Variants in SPSB4 observed in about 807,000 individuals in gnomAD.
SPSB4 encodes the protein SPRY domain-containing SOCS box protein 4.
Under a neutral mutation model 20.9 loss-of-function variants are expected in SPSB4, and 21 were observed. The ratio of observed to expected loss-of-function variants is 1.01; its 90% confidence interval spans 0.71 to 1.45. SPSB4 has a LOEUF of 1.45. Among genes scored for constraint, SPSB4 ranks in the 40% most tolerant of loss-of-function variants. SPSB4 has a pLI of 0.00. For missense variants in SPSB4, 399 were observed against 399.2 expected, an observed-to-expected ratio of 1.00 and a Z score of 0.00; for synonymous variants, 207 against 183.8, an observed-to-expected ratio of 1.13 and a Z score of -1.02.
chr3:141,083,865 T>C (rs1484686636), intron 2 of SPSB4, among the ~76,000 whole-genome samples: 1 of 152,068 alleles, frequency 6.6e-6, no homozygotes, highest in Non-Finnish European at 1.5e-5. Flanking sequence ...GACTCCTCGT[T>C]TGACTCTGGC....
chr3:141,060,711 C>T (rs888740200), intron 1 of SPSB4, among the ~76,000 whole-genome samples: 3 of 152,182 alleles, frequency 2.0e-5, no homozygotes, highest in Admixed American at 6.5e-5. Context: ...TGCCATTTGC[C>T]GAGGCTAAAC....
chr3:141,093,338 T>C (rs1206364625), intron 2 of SPSB4, among the ~76,000 whole-genome samples: 2 of 151,858 alleles, frequency 1.3e-5, no homozygotes, highest in Non-Finnish European at 2.9e-5. Flanking sequence ...ATATTGTCAA[T>C]CTTCCCAGGA....
chr3:141,068,953 T>A (rs1937941728), intron 2 of SPSB4, among the ~76,000 whole-genome samples: 1 of 152,168 alleles, frequency 6.6e-6, no homozygotes, highest in African/African-American at 2.4e-5. Flanking sequence ...GTCCTTCAGG[T>A]GGTTGAACAA....
At chr3:141,053,508 A>T (rs1473597668) in intron 1 of SPSB4, among the ~76,000 whole-genome samples, 2 of 152,188 alleles carry the variant, frequency 1.3e-5, no homozygotes, top group Non-Finnish European at 2.9e-5. Context: ...AAAAGAAATC[A>T]CCAGAAACAG....
chr3:141,082,836 C>G (rs1938264806), intron 2 of SPSB4, among the ~76,000 whole-genome samples: 1 of 152,222 alleles, frequency 6.6e-6, no homozygotes, highest in South Asian at 2.1e-4. Context: ...GTCCTGAGGG[C>G]TCTTTTCTTC....
intron 2 of SPSB4, among the ~76,000 whole-genome samples, chr3:141,118,267 T>C (rs942359787): frequency 3.3e-5 from 5 of 152,272 alleles, no homozygotes; most frequent in African/African-American, 1.2e-4. Context: ...TTTTTTCATA[T>C]GTCTGTTGGC....
At chr3:141,077,272 C>G (rs1441073354) in intron 2 of SPSB4, 1 of 152,226 alleles carries the variant, frequency 6.6e-6, no homozygotes, top group Non-Finnish European at 1.5e-5. Flanking sequence ...CGTGCAGGCT[C>G]TCCCCGGTTC....
In SPSB4 at chr3:141,147,488, A is replaced by G. The variant is rs1228005852; in HGVS notation, c.*219A>G. ...CCTCGAGGCAGCCCTCCCAAGTCAG[A>G]CACCTCCTTCGGAGCCACAGAGAGC... On this transcript the variant is annotated 3_prime_UTR_variant, in exon 3 of 3. Transcript: ENST00000310546. 1 of 667,418 alleles carries G rather than the reference A, an allele frequency of 1.5e-6. No individual in the cohort carries two copies. Among genetic ancestry groups the G allele is most frequent in the African/African-American group, 1.8e-5 (1 of 55,258 alleles). The allele number at this position is 667,418 out of a possible 1,614,324, so 41.3% of individuals were successfully genotyped here.
intron 2 of SPSB4, among the ~76,000 whole-genome samples, chr3:141,101,162 G>A (rs755190881): frequency 1.3e-5 from 2 of 151,598 alleles, no homozygotes; most frequent in East Asian, 1.9e-4. Context: ...GGAGCCCCCC[G>A]AGGAGAATGG....
At chr3:141,053,642 C>T (rs575150959) in intron 1 of SPSB4, among the ~76,000 whole-genome samples, 6 of 151,980 alleles carry the variant, frequency 3.9e-5, no homozygotes, top group East Asian at 1.9e-4. Flanking sequence ...GGCAAAGACA[C>T]GATTCATACA....
At chr3:141,070,367 C>A (rs931032709) in intron 2 of SPSB4, among the ~76,000 whole-genome samples, 30 of 152,182 alleles carry the variant, frequency 2.0e-4, no homozygotes, top group African/African-American at 7.2e-4. Flanking sequence ...GAATCTCACC[C>A]TGTCACCCAG....
chr3:141,147,120 A>G (rs1939426091), intron 2 of SPSB4, 22 bp from the exon 3 acceptor site: 1 of 1,613,304 alleles, frequency 6.2e-7, no homozygotes, highest in Non-Finnish European at 8.5e-7. Flanking sequence ...GGCACACTCT[A>G]ACTGCTTCCC....
intron 2 of SPSB4, among the ~76,000 whole-genome samples, chr3:141,085,485 C>T (rs1170484829): frequency 6.6e-6 from 1 of 152,176 alleles, no homozygotes; most frequent in Non-Finnish European, 1.5e-5. Flanking sequence ...TCAGCCATTG[C>T]ACCCACATTC....
intron 2 of SPSB4, among the ~76,000 whole-genome samples, chr3:141,095,419 C>T (rs1229886810): frequency 6.6e-6 from 1 of 152,170 alleles, no homozygotes; most frequent in Admixed American, 6.5e-5. Flanking sequence ...GGGCGCAGAA[C>T]AGACTTATTC....
At chr3:141,073,491 A>G (rs370576005) in intron 2 of SPSB4, among the ~76,000 whole-genome samples, 1 of 152,232 alleles carries the variant, frequency 6.6e-6, no homozygotes, top group African/African-American at 2.4e-5. Flanking sequence ...TGTAGTCAAC[A>G]TAAGACACCT....
intron 2 of SPSB4, among the ~76,000 whole-genome samples, chr3:141,119,070 T>C (rs1244779543): frequency 6.6e-6 from 1 of 152,214 alleles, no homozygotes; most frequent in African/African-American, 2.4e-5. Context: ...AATCTATAAA[T>C]TACCTTGGGC....
chr3:141,063,057 ATTT>A (rs1200115367), intron 1 of SPSB4, among the ~76,000 whole-genome samples: 1 of 152,110 alleles, frequency 6.6e-6, no homozygotes, highest in East Asian at 1.9e-4. Flanking sequence ...TTTTGGTGCT[ATTT>A]GGTGAGTTCG....
chr3:141,132,973 A>T (rs144686673), intron 2 of SPSB4, among the ~76,000 whole-genome samples: 84 of 152,100 alleles, frequency 5.5e-4, no homozygotes, highest in Non-Finnish European at 8.8e-4. Flanking sequence ...CTATTTTTTG[A>T]CGTCTGTTAT....
At chr3:141,059,390 G>A (rs567752513) in intron 1 of SPSB4, among the ~76,000 whole-genome samples, 65 of 152,078 alleles carry the variant, frequency 4.3e-4, no homozygotes, top group African/African-American at 1.2e-3. Context: ...CAGGAAGCAC[G>A]GTGCTGGCAT....
Sources: allele counts gnomAD v4.1 joint callset (sites outside exome capture counted in the v4.1 genomes callset), GRCh38; gene constraint gnomAD v4.1.1; transcripts MANE v1.5; gene names NCBI Gene and HGNC (gene_info 2026-07-23, HGNC 2026-07-21).